Variants in CRYBG3 observed in about 807,000 individuals in gnomAD.
CRYBG3 encodes crystallin beta-gamma domain containing 3, also known as very large A-kinase anchor protein.
Under a neutral mutation model 244.2 loss-of-function variants are expected in CRYBG3, and 127 were observed. That is an observed-to-expected ratio of 0.52 (90% CI 0.45 to 0.60). The LOEUF is 0.60. Among genes scored for constraint, CRYBG3 ranks in the 20% least tolerant of loss-of-function variants. The pLI, the probability that CRYBG3 is intolerant of heterozygous loss-of-function variation, is 0.00. For synonymous variants in CRYBG3, 1,132 were observed against 1,195.8 expected (o/e 0.95, Z 1.10); for missense variants, 3,325 against 3,442.5 (o/e 0.97, Z 0.85).
rs1291760135 is a variant in CRYBG3, at chr3:97,872,738, C to T, written c.1544C>T (p.Ala515Val). The change falls in exon 4 of 22, where the codon GCC (alanine) becomes GTC (valine). Residue 515 changes from alanine to valine, a missense_variant. This residue lies in a region of CRYBG3 where 1,526 missense variants were observed against 1,443.2 expected (regional missense o/e 1.06). Coordinates refer to ENST00000389622, the MANE Select transcript of CRYBG3 (RefSeq NM_153605.4). ...GTAAATGAAGGAAAGAGATTGTCTG[C>T]CCAAGACTCACAGAAAAATGTGGCT... ...EFVNEGKRLS[A>V]QDSQKNVAVR... 1.3e-6 allele frequency: 2 copies of T among 1,535,920 alleles called. No individual in the cohort carries two copies. Among genetic ancestry groups the T allele is most frequent in the East Asian group, 2.4e-5 (1 of 40,910 alleles).
intron 1 of CRYBG3, among the ~76,000 whole-genome samples, chr3:97,832,150 C>T (rs923876895): frequency 1.4e-5 from 2 of 144,092 alleles, no homozygotes; most frequent in African/African-American, 5.2e-5. Flanking sequence ...TTTATAGATT[C>T]AATGCTATTG....
chr3:97,822,176 G>T lies in CRYBG3; in HGVS notation c.-31G>T. 1 of 1,494,454 alleles carries T rather than the reference G, an allele frequency of 6.7e-7. No individual in the cohort carries two copies. Among genetic ancestry groups the T allele is most frequent in the Non-Finnish European group, 8.9e-7 (1 of 1,126,674 alleles). The allele number at this position is 1,494,454 out of a possible 1,614,324, so 92.6% of individuals were successfully genotyped here. A position where few individuals can be genotyped will look rare whatever the true frequency, so the allele number is the denominator to read the frequency against. The stretch of plus-strand genomic sequence containing the variant: ...GGCAACACCTAGGCCGTTCCCTTCA[G>T]ACAGCCCCGGGCCAGCGGCCCCCTC... On this transcript the variant is annotated 5_prime_UTR_variant, in exon 1 of 22. Transcript: ENST00000389622.
Position 97,877,232 on chromosome 3 carries a change from A to G in CRYBG3, c.6038A>G (p.Tyr2013Cys), listed in dbSNP as rs2039388905. The G allele has an allele frequency of 6.2e-7, 1 of 1,613,660 alleles. No individual in the cohort carries two copies. The highest frequency in any genetic ancestry group is 8.5e-7 in the Non-Finnish European group (1 of 1,179,706). Residue 2013 changes from tyrosine to cysteine, a missense_variant, in exon 4 of 22, where the codon TAT (tyrosine) becomes TGT (cysteine). Tyr to Cys is a radical substitution (Grantham distance 194). This residue lies in a region of CRYBG3 where 450 missense variants were observed against 424.1 expected (regional missense o/e 1.06). Transcript: ENST00000389622. Reference protein sequence around the residue: ...YEEPLQEEDKYASAEARQTQS... With the variant: ...YEEPLQEEDKCASAEARQTQS... ...GAGCCCCTTCAAGAGGAGGACAAGTATGCTTCCGCAGAAGCAAGACAAACA... is the reference window on the plus strand; with the variant it reads ...GAGCCCCTTCAAGAGGAGGACAAGTGTGCTTCCGCAGAAGCAAGACAAACA...
At chr3:97,881,008 G>A in intron 6 of CRYBG3, 64 bp from the exon 7 acceptor site, 4 of 1,315,342 alleles carry the variant, frequency 3.0e-6, no homozygotes, top group Non-Finnish European at 4.0e-6. Context: ...AATGGTCTGT[G>A]ACTTATATGC....
At chr3:97,843,475 A>T (rs2038852148) in intron 2 of CRYBG3, among the ~76,000 whole-genome samples, 2 of 152,170 alleles carry the variant, frequency 1.3e-5, no homozygotes, top group Admixed American at 1.3e-4. Context: ...GAGTATACAG[A>T]GTGGTGTTCT....
At chr3:97,910,446 C>T (rs1369023197) in intron 15 of CRYBG3, among the ~76,000 whole-genome samples, 1 of 152,222 alleles carries the variant, frequency 6.6e-6, no homozygotes, top group Non-Finnish European at 1.5e-5. Context: ...GATATAATCT[C>T]GTGGTGTACC....
chr3:97,907,657 C>T (rs535737105), intron 15 of CRYBG3, among the ~76,000 whole-genome samples: 10,574 of 148,934 alleles, frequency 0.071, 1,203 homozygotes, highest in African/African-American at 0.25. Context: ...ATTAGTCTTG[C>T]TAGCGGTCTA....
chr3:97,857,250 A>T (rs1467079469), intron 2 of CRYBG3, among the ~76,000 whole-genome samples: 1 of 151,922 alleles, frequency 6.6e-6, no homozygotes, highest in Non-Finnish European at 1.5e-5. Context: ...TATGATTTTG[A>T]TTTCTTAAAA....
Position 97,899,247 on chromosome 3 carries a change from T to C in CRYBG3, c.7955T>C (p.Ile2652Thr). 2 of 1,613,004 alleles carry C rather than the reference T, an allele frequency of 1.2e-6. No homozygotes were observed. The highest frequency in any genetic ancestry group is 3.3e-5 in the Admixed American group (2 of 59,800). Residue 2652 changes from isoleucine (I) to threonine (T), a missense_variant, in exon 14 of 22, where the codon ATA (isoleucine) becomes ACA (threonine). Physicochemically the swap from Ile to Thr is moderately conservative, Grantham distance 89. This residue lies in a region of CRYBG3 where 714 missense variants were observed against 803.6 expected (regional missense o/e 0.89). Transcript: ENST00000389622. Reference protein sequence around the residue: ...WGGSNNIIMSIRPIQLEPLGI... With the variant: ...WGGSNNIIMSTRPIQLEPLGI... ...GGATCAAATAATATAATCATGTCGA[T>C]ACGGCCAATCCAACTGGTGAGTGAA...
At chr3:97,941,871 T>C (rs2040237796) in intron 20 of CRYBG3, 1 of 154,516 alleles carries the variant, frequency 6.5e-6, no homozygotes, top group Non-Finnish European at 1.4e-5. Context: ...CTTTTTCTCA[T>C]GCTTCAAAAA....
intron 7 of CRYBG3, among the ~76,000 whole-genome samples, chr3:97,885,592 A>G (rs1268275335): frequency 6.6e-6 from 1 of 152,162 alleles, no homozygotes; most frequent in East Asian, 1.9e-4. Context: ...TTTTTGAGTT[A>G]GAACTTGACT....
chr3:97,867,735 G>A (rs1054729051), intron 3 of CRYBG3, among the ~76,000 whole-genome samples: 4 of 152,162 alleles, frequency 2.6e-5, no homozygotes, highest in Admixed American at 2.0e-4. Context: ...CAAAATGCAT[G>A]AAGTTAATAC....
intron 7 of CRYBG3, among the ~76,000 whole-genome samples, chr3:97,882,226 A>T (rs1320990861): frequency 1.3e-5 from 2 of 151,804 alleles, no homozygotes; most frequent in East Asian, 3.9e-4. Context: ...AATAATAATA[A>T]TAATAGCAGC....
chr3:97,875,507 A>G lies in CRYBG3; in HGVS notation c.4313A>G (p.Asp1438Gly), dbSNP rs1258465250. The G allele has an allele frequency of 1.6e-6, 2 of 1,282,460 alleles. No homozygotes were observed. Among genetic ancestry groups the G allele is most frequent in the Admixed American group, 3.8e-5 (1 of 26,028 alleles). 79.4% of individuals were successfully genotyped at this position (1,282,460 alleles called of 1,614,324 possible). Reference protein sequence around the residue: ...AEDMSHKRLDDRVKTHLFRSE... With the variant: ...AEDMSHKRLDGRVKTHLFRSE... ...GACATGTCACATAAACGGTTAGATG[A>G]TAGGGTAAAAACACATTTATTTCGC... Residue 1438 changes from aspartate (D) to glycine (G), a missense_variant, in exon 4 of 22, where the codon GAT (aspartate) becomes GGT (glycine). Asp to Gly is a moderately conservative substitution (Grantham distance 94, BLOSUM62 -1). Transcript: ENST00000389622.
chr3:97,835,414 G>C (rs1423317129), intron 1 of CRYBG3, among the ~76,000 whole-genome samples: 1 of 152,002 alleles, frequency 6.6e-6, no homozygotes, highest in Non-Finnish European at 1.5e-5. Flanking sequence ...CCGGGAGTTG[G>C]GCATGAGCAA....
At chr3:97,858,258 A>G (rs991631558) in intron 2 of CRYBG3, among the ~76,000 whole-genome samples, 1 of 151,394 alleles carries the variant, frequency 6.6e-6, no homozygotes, top group African/African-American at 2.4e-5. Flanking sequence ...TGTTATTCTA[A>G]TGGAGATTCC....
chr3:97,934,706 G>C (rs941075281), intron 18 of CRYBG3, among the ~76,000 whole-genome samples: 9 of 151,974 alleles, frequency 5.9e-5, no homozygotes, highest in East Asian at 1.9e-4. Flanking sequence ...TGTATAAATA[G>C]CTTAAGTTTT....
chr3:97,846,478 T>C (rs2038903033), intron 2 of CRYBG3, among the ~76,000 whole-genome samples: 1 of 152,208 alleles, frequency 6.6e-6, no homozygotes, highest in Admixed American at 6.5e-5. Flanking sequence ...TCCCTGTGGA[T>C]GTTCCTTTGA....
chr3:97,866,940 C>T (rs1375454237), intron 3 of CRYBG3: 1 of 152,176 alleles, frequency 6.6e-6, no homozygotes, highest in Non-Finnish European at 1.5e-5. Flanking sequence ...TCAGGCCTAG[C>T]TTTGAAAATC....
Sources: gnomAD v4.1 joint callset for allele counts (sites outside exome capture counted in the v4.1 genomes callset) on GRCh38, gnomAD v4.1.1 for gene constraint, gnomAD v4.1.1 regional missense constraint, MANE v1.5 for transcripts, NCBI Gene and HGNC (gene_info 2026-07-23, HGNC 2026-07-21) for gene names.